Variants in THEMIS observed in about 807,000 individuals in gnomAD.
THEMIS encodes protein THEMIS.
In THEMIS, 37 loss-of-function variants were observed where a neutral mutation model predicts 52.6. The ratio of observed to expected loss-of-function variants is 0.70; its 90% CI spans 0.54 to 0.93. The LOEUF (loss-of-function observed/expected upper bound fraction) is 0.93. Among genes scored for constraint, THEMIS ranks in the 40% least tolerant of loss-of-function variants. THEMIS has a pLI of 0.00. For missense variants in THEMIS, 808 were observed against 763.1 expected, an observed-to-expected ratio of 1.06 and a Z score of -0.69; for synonymous variants, 292 against 272.7, an observed-to-expected ratio of 1.07 and a Z score of -0.70.
At chr6:127,744,293 A>T (rs1235717802) in intron 4 of THEMIS, among the ~76,000 whole-genome samples, 2 of 151,794 alleles carry the variant, frequency 1.3e-5, no homozygotes, top group African/African-American at 4.8e-5. Context: ...TCCTTATGTT[A>T]CCCCCAGGCT....
chr6:127,894,146 G>A (rs1477088911), intron 1 of THEMIS, among the ~76,000 whole-genome samples: 1 of 151,956 alleles, frequency 6.6e-6, no homozygotes, highest in Admixed American at 6.6e-5. Flanking sequence ...TGAAAAATAA[G>A]CAGTGAGAGA....
At chr6:127,737,011 A>G (rs1775031242) in intron 4 of THEMIS, among the ~76,000 whole-genome samples, 2 of 152,258 alleles carry the variant, frequency 1.3e-5, no homozygotes, top group East Asian at 3.9e-4. Flanking sequence ...TTTGGTTTAA[A>G]TTTTCATTTC....
chr6:127,864,676 A>T (rs965119758), intron 1 of THEMIS, among the ~76,000 whole-genome samples: 1 of 152,160 alleles, frequency 6.6e-6, no homozygotes, highest in Non-Finnish European at 1.5e-5. Context: ...ATACTAAATC[A>T]ACCTGAAGAT....
At chr6:127,810,326 C>T (rs966532731) in intron 4 of THEMIS, among the ~76,000 whole-genome samples, 1 of 152,140 alleles carries the variant, frequency 6.6e-6, no homozygotes, top group Non-Finnish European at 1.5e-5. Context: ...TCATTCTCCT[C>T]CCAACTGCTA....
At chr6:127,887,228 G>A (rs1035741351) in intron 1 of THEMIS, among the ~76,000 whole-genome samples, 2 of 152,110 alleles carry the variant, frequency 1.3e-5, no homozygotes, top group Admixed American at 1.3e-4. Flanking sequence ...GATTTGAAGA[G>A]ACATGTGATC....
At chr6:127,908,598 T>C (rs1283748167) in intron 1 of THEMIS, among the ~76,000 whole-genome samples, 1 of 152,178 alleles carries the variant, frequency 6.6e-6, no homozygotes, top group Admixed American at 6.6e-5. Context: ...TCCCTTGCTG[T>C]AGGACTCAAC....
At chr6:127,795,574 C>T (rs763053691) in intron 4 of THEMIS, among the ~76,000 whole-genome samples, 2 of 152,104 alleles carry the variant, frequency 1.3e-5, no homozygotes, top group Admixed American at 6.5e-5. Context: ...GTGATCTGCC[C>T]GCCTCGGCCT....
chr6:127,857,828 T>C (rs373988512), intron 1 of THEMIS, among the ~76,000 whole-genome samples: 1 of 152,026 alleles, frequency 6.6e-6, no homozygotes, highest in African/African-American at 2.4e-5. Flanking sequence ...CTGTTTGAAA[T>C]TGTTGCAAAA....
intron 4 of THEMIS, among the ~76,000 whole-genome samples, chr6:127,753,284 T>C (rs774018180): frequency 3.3e-5 from 5 of 152,008 alleles, no homozygotes; most frequent in Admixed American, 6.6e-5. Context: ...TAAAACACTG[T>C]TAGAACTAGT....
chr6:127,819,296 T>C (rs1358085932), intron 3 of THEMIS, among the ~76,000 whole-genome samples: 1 of 150,768 alleles, frequency 6.6e-6, no homozygotes, highest in Non-Finnish European at 1.5e-5. Flanking sequence ...ATGAAAAAAA[T>C]AGAACATAAT....
intron 4 of THEMIS, among the ~76,000 whole-genome samples, chr6:127,783,040 G>C (rs1289286130): frequency 6.6e-6 from 1 of 152,088 alleles, no homozygotes. Context: ...CCAAAACAGA[G>C]ATATAGACCA....
chr6:127,793,526 G>A (rs570184290), intron 4 of THEMIS, among the ~76,000 whole-genome samples: 12 of 152,224 alleles, frequency 7.9e-5, no homozygotes, highest in Admixed American at 3.9e-4. Flanking sequence ...ATGAAATCAA[G>A]CATTACAGAC....
chr6:127,788,228 A>G (rs1318547458), intron 4 of THEMIS, among the ~76,000 whole-genome samples: 1 of 152,210 alleles, frequency 6.6e-6, no homozygotes, highest in African/African-American at 2.4e-5. Context: ...TACATTTGCT[A>G]TTCAACCCTA....
intron 5 of THEMIS, among the ~76,000 whole-genome samples, chr6:127,712,483 A>G (rs7454627): frequency 0.055 from 8,330 of 151,994 alleles, 266 homozygotes; most frequent in Non-Finnish European, 0.08. Context: ...TAGGTTCTAA[A>G]ATCCAAATTG....
At chr6:127,711,208 A>G (rs1773970850) in intron 5 of THEMIS, among the ~76,000 whole-genome samples, 1 of 151,686 alleles carries the variant, frequency 6.6e-6, no homozygotes, top group Non-Finnish European at 1.5e-5. Flanking sequence ...GAGAAGGAGG[A>G]GAATAATGCC....
At chr6:127,728,783 G>T (rs1774641494) in intron 4 of THEMIS, among the ~76,000 whole-genome samples, 1 of 152,150 alleles carries the variant, frequency 6.6e-6, no homozygotes, top group Non-Finnish European at 1.5e-5. Flanking sequence ...AAAATACATA[G>T]AATGAGTTCA....
Position 127,813,110 on chromosome 6 carries a change from T to C in THEMIS, c.1531A>G (p.Met511Val). The C allele has an allele frequency of 6.2e-7, 1 of 1,614,080 alleles. No homozygotes were observed. Among genetic ancestry groups the C allele is most frequent in the Non-Finnish European group, 8.5e-7 (1 of 1,180,008 alleles). The part of the protein sequence containing the change: ...CWEIPVGRLN[M>V]TVQLVSNFSR... ...AAATTACTAACTAACTGAACAGTCATATTCAAGCGGCCCACAGGAATTTCC... is the reference window on the plus strand; with the variant it reads ...AAATTACTAACTAACTGAACAGTCACATTCAAGCGGCCCACAGGAATTTCC... Residue 511 changes from methionine (M) to valine (V), a missense_variant, in exon 4 of 6, where the codon ATG becomes GTG. Transcript: ENST00000368248.
At chr6:127,872,825 C>A (rs548451252) in intron 1 of THEMIS, among the ~76,000 whole-genome samples, 3 of 152,040 alleles carry the variant, frequency 2.0e-5, no homozygotes, top group Admixed American at 2.0e-4. Context: ...AATCATACAC[C>A]TTGGAAAGGA....
chr6:127,791,055 C>T (rs1777137837), intron 4 of THEMIS, among the ~76,000 whole-genome samples: 2 of 152,188 alleles, frequency 1.3e-5, no homozygotes, highest in Admixed American at 1.3e-4. Context: ...TTATCTTTTT[C>T]TTGTTGCCTG....
Sources: allele counts gnomAD v4.1 joint callset (sites outside exome capture counted in the v4.1 genomes callset), GRCh38; gene constraint gnomAD v4.1.1; transcripts MANE v1.5; gene names NCBI Gene and HGNC (gene_info 2026-07-23, HGNC 2026-07-21).